FAM184A: variants seen among roughly 807,000 people sequenced by gnomAD.
FAM184A encodes the protein family with sequence similarity 184 member A, also known as protein FAM184A.
Under a neutral mutation model 143.8 loss-of-function variants are expected in FAM184A, and 99 were observed. The observed-to-expected ratio is 0.69, with a 90% CI of 0.58 to 0.81. The LOEUF (loss-of-function observed/expected upper bound fraction) is 0.81, where lower values mean the gene tolerates loss of function less well. FAM184A is among the 40% of genes least tolerant of loss of function. FAM184A has a pLI of 0.00. For synonymous variants in FAM184A, 427 were observed against 446.4 expected (o/e 0.96, Z 0.55); for missense variants, 1,217 against 1,310.5 (o/e 0.93, Z 1.10).
intron 1 of FAM184A, among the ~76,000 whole-genome samples, chr6:119,050,473 T>A (rs571619217): frequency 6.7e-6 from 1 of 148,416 alleles, no homozygotes; most frequent in Non-Finnish European, 1.5e-5. Context: ...AAAAAAAGGG[T>A]ACATATACAC....
In FAM184A at chr6:119,096,185, C is replaced by T. The variant is rs189281273; in HGVS notation, c.-202+52893G>A. On this transcript the variant is annotated intron_variant, in intron 1 of 16. Transcript: ENST00000352896. ...TGATAAGTGGCTTGAAAACAGCCTC[C>T]TCCTCAGCTTGCTGTCTTTATTGCC... is the stretch of plus-strand genomic sequence containing the variant. Among the ~76,000 whole-genome samples the T allele has an allele frequency of 1.1e-4, 16 of 152,298 alleles. No homozygotes were observed. The East Asian group carries it at 3.1e-3, about 29-fold the overall frequency.
chr6:119,148,487 C>T (rs945523777), intron 1 of FAM184A, among the ~76,000 whole-genome samples: 47 of 152,312 alleles, frequency 3.1e-4, no homozygotes, highest in African/African-American at 9.9e-4. Flanking sequence ...CCTGTCCCCA[C>T]GGCCAAGTCC....
chr6:119,139,573 T>C (rs1473176305), intron 1 of FAM184A, among the ~76,000 whole-genome samples: 1 of 152,108 alleles, frequency 6.6e-6, no homozygotes, highest in Non-Finnish European at 1.5e-5. Flanking sequence ...ATGGAACTTA[T>C]TTCCTCATGG....
chr6:119,085,898 C>CT (rs1375391715), intron 1 of FAM184A, among the ~76,000 whole-genome samples: 1 of 152,108 alleles, frequency 6.6e-6, no homozygotes, highest in African/African-American at 2.4e-5. Context: ...GTGCTACACA[C>CT]TTTTAAACAG....
intron 1 of FAM184A, among the ~76,000 whole-genome samples, chr6:119,110,513 G>T (rs945969311): frequency 5.3e-5 from 8 of 151,946 alleles, no homozygotes; most frequent in Non-Finnish European, 1.0e-4. Flanking sequence ...AATCAAAATT[G>T]GGGTTTTTAT....
chr6:118,992,765 A>AAAAAAC (rs1784418037), intron 9 of FAM184A, among the ~76,000 whole-genome samples: 1 of 152,114 alleles, frequency 6.6e-6, no homozygotes, highest in Non-Finnish European at 1.5e-5. Flanking sequence ...TGTTGCTACA[A>AAAAAAC]AAAAACAAAA....
intron 7 of FAM184A, among the ~76,000 whole-genome samples, chr6:119,004,308 T>C (rs1784857498): frequency 6.6e-6 from 1 of 152,232 alleles, no homozygotes; most frequent in Admixed American, 6.5e-5. Context: ...ATGGTCTATC[T>C]TCCTGTTATC....
intron 1 of FAM184A, among the ~76,000 whole-genome samples, chr6:119,043,044 T>A (rs1786400098): frequency 6.6e-6 from 1 of 152,138 alleles, no homozygotes; most frequent in South Asian, 2.1e-4. Flanking sequence ...TAAATATCTA[T>A]TCACATTGAC....
At chr6:119,088,109 T>A (rs1311404164) in intron 1 of FAM184A, among the ~76,000 whole-genome samples, 1 of 152,184 alleles carries the variant, frequency 6.6e-6, no homozygotes, top group Non-Finnish European at 1.5e-5. Flanking sequence ...AGAATTATTG[T>A]TTAATGGGTA....
At chr6:118,975,792 T>C (rs1265754146) in intron 12 of FAM184A, 125 bp downstream of exon 12, 1 of 939,180 alleles carries the variant, frequency 1.1e-6, no homozygotes, top group African/African-American at 1.7e-5. Flanking sequence ...AATAAAGCTC[T>C]TCAATATAAA....
intron 1 of FAM184A, among the ~76,000 whole-genome samples, chr6:119,037,787 T>A (rs947730237): frequency 3.3e-5 from 5 of 152,156 alleles, no homozygotes; most frequent in Non-Finnish European, 7.4e-5. Context: ...AATTTTACTT[T>A]AGAAAATCAA....
chr6:119,029,623 T>C (rs76398515), intron 1 of FAM184A, among the ~76,000 whole-genome samples: 2,834 of 152,118 alleles, frequency 0.019, 82 homozygotes, highest in African/African-American at 0.065. Context: ...ACGGTAGCAA[T>C]CAAAAAGGTG....
intron 1 of FAM184A, among the ~76,000 whole-genome samples, chr6:119,073,800 A>G (rs1787775150): frequency 6.6e-6 from 1 of 152,232 alleles, no homozygotes; most frequent in Non-Finnish European, 1.5e-5. Flanking sequence ...CTGCATGAAG[A>G]GGCATGTGAG....
chr6:119,070,158 C>T (rs574108281), intron 1 of FAM184A, among the ~76,000 whole-genome samples: 3 of 152,198 alleles, frequency 2.0e-5, no homozygotes, highest in South Asian at 2.1e-4. Flanking sequence ...CTTCCATTTG[C>T]ATCTCAAGAT....
chr6:118,996,916 G>A lies in FAM184A; in HGVS notation c.2088+5983C>T, dbSNP rs182796708. Among the ~76,000 whole-genome samples, 4 of 150,288 alleles carry A rather than the reference G, an allele frequency of 2.7e-5. No homozygotes were observed. The East Asian group carries it at 7.9e-4, about 30-fold the overall frequency. On this transcript the variant is annotated intron_variant, in intron 9 of 17. Coordinates refer to ENST00000338891, the MANE Select transcript of FAM184A (RefSeq NM_024581.6). ...TTTTTTGTACTTTTTGTAGAGACAG[G>A]GTTTCTCTATGTTGGCCGGGCTGGT... is the stretch of plus-strand genomic sequence containing the variant.
chr6:118,992,929 C>CA (rs1784425141), intron 9 of FAM184A, among the ~76,000 whole-genome samples: 1 of 152,224 alleles, frequency 6.6e-6, no homozygotes, highest in African/African-American at 2.4e-5. Flanking sequence ...GACCCTATCT[C>CA]AAAAAATCAT....
At chr6:119,074,943 T>C (rs761155893) in intron 1 of FAM184A, among the ~76,000 whole-genome samples, 2 of 152,254 alleles carry the variant, frequency 1.3e-5, no homozygotes, top group African/African-American at 4.8e-5. Flanking sequence ...CTTAAAGAAC[T>C]GGTGTTCTCC....
In FAM184A at chr6:119,024,458, A is replaced by G. The variant is rs754707769; in HGVS notation, c.515T>C (p.Phe172Ser). The G allele has an allele frequency of 6.2e-7, 1 of 1,613,710 alleles. No homozygotes were observed. Among genetic ancestry groups the G allele is most frequent in the African/African-American group, 1.3e-5 (1 of 74,838 alleles). ...TTCAAACTGTACTTGAAGTTGTCCAAAGCTCCGTAATTTTTCTTCAAATTT... is the reference window on the plus strand; with the variant it reads ...TTCAAACTGTACTTGAAGTTGTCCAGAGCTCCGTAATTTTTCTTCAAATTT... Reference protein sequence around the residue: ...RRKFEEKLRSFGQLQVQFEKD... With the variant: ...RRKFEEKLRSSGQLQVQFEKD... The change falls in exon 2 of 18, where the codon TTT (phenylalanine) becomes TCT (serine). Residue 172 changes from phenylalanine to serine, a missense_variant. Coordinates refer to ENST00000338891, the MANE Select transcript of FAM184A (RefSeq NM_024581.6).
At chr6:119,008,635 GAAAT>G (rs1038384816) in intron 6 of FAM184A, among the ~76,000 whole-genome samples, 1 of 152,062 alleles carries the variant, frequency 6.6e-6, no homozygotes, top group South Asian at 2.1e-4. Context: ...ATTTGCAATA[GAAAT>G]AAATACTCAG....
Sources: gnomAD v4.1 joint callset for allele counts (sites outside exome capture counted in the v4.1 genomes callset) on GRCh38, gnomAD v4.1.1 for gene constraint, MANE v1.5 for transcripts, NCBI Gene and HGNC (gene_info 2026-07-23, HGNC 2026-07-21) for gene names.